The following TBXAS1 variants were observed in gnomAD, a reference collection of about 807,000 sequenced individuals.
The protein encoded by TBXAS1 is thromboxane A synthase 1, also known as thromboxane-A synthase.
In TBXAS1, 48 loss-of-function variants were observed where a neutral mutation model predicts 60.7. The ratio of observed to expected loss-of-function variants is 0.79; its 90% CI spans 0.63 to 1.01. TBXAS1 has a LOEUF of 1.01. Ranked by LOEUF, TBXAS1 falls within the 50% of genes least tolerant of loss-of-function variation. The pLI is 0.00. For synonymous variants in TBXAS1, 287 were observed against 269.7 expected (o/e 1.06, Z -0.63); for missense variants, 685 against 686.3 (o/e 1.00, Z 0.02).
At chr7:139,783,772 C>A (rs1313884813) in intron 3 of TBXAS1, among the ~76,000 whole-genome samples, 1 of 152,180 alleles carries the variant, frequency 6.6e-6, no homozygotes, top group Non-Finnish European at 1.5e-5. Flanking sequence ...AGAGCTTGCT[C>A]CTATCTGGCA....
intron 9 of TBXAS1, among the ~76,000 whole-genome samples, chr7:139,994,661 T>C (rs1004998292): frequency 2.5e-4 from 38 of 151,996 alleles, no homozygotes; most frequent in African/African-American, 8.9e-4. Flanking sequence ...ACAGTGGAGA[T>C]CTCTTTCTAC....
At chr7:139,984,940 G>A (rs200999835) in intron 9 of TBXAS1, among the ~76,000 whole-genome samples, 2 of 56,812 alleles carry the variant, frequency 3.5e-5, no homozygotes, top group Admixed American at 2.2e-4. Context: ...AAGAAAGAAA[G>A]AAAAGAAAAG....
chr7:139,980,039 G>A (rs902568156), intron 9 of TBXAS1, among the ~76,000 whole-genome samples: 13 of 151,410 alleles, frequency 8.6e-5, no homozygotes, highest in African/African-American at 3.2e-4. Flanking sequence ...GTCATTTATC[G>A]ATTTATTGCT....
chr7:139,877,045 A>C (rs866557096), intron 3 of TBXAS1, among the ~76,000 whole-genome samples: 9 of 152,088 alleles, frequency 5.9e-5, no homozygotes, highest in African/African-American at 2.2e-4. Flanking sequence ...TTTCTGCTGA[A>C]TCATTTCAGC....
intron 3 of TBXAS1, among the ~76,000 whole-genome samples, chr7:139,908,273 A>G (rs1325381273): frequency 6.6e-6 from 1 of 151,966 alleles, no homozygotes; most frequent in African/African-American, 2.4e-5. Context: ...CCTCTTTTCT[A>G]AAGTAGCATT....
At chr7:139,794,779 C>G in intron 4 of TBXAS1, among the ~76,000 whole-genome samples, 1 of 149,800 alleles carries the variant, frequency 6.7e-6, no homozygotes, top group African/African-American at 2.5e-5. Flanking sequence ...GTTTTTTGTT[C>G]TTGTGATAGT....
At chr7:139,938,919 C>G (rs1349196461) in intron 5 of TBXAS1, among the ~76,000 whole-genome samples, 2 of 152,224 alleles carry the variant, frequency 1.3e-5, no homozygotes, top group African/African-American at 4.8e-5. Flanking sequence ...TAACCCCTTA[C>G]AGGGGATACT....
chr7:139,827,293 G>A (rs1323698064), upstream of TBXAS1, among the ~76,000 whole-genome samples: 1 of 152,174 alleles, frequency 6.6e-6, no homozygotes, highest in African/African-American at 2.4e-5. Context: ...GCTGGCTTTT[G>A]GTGTCCATTT....
intron 4 of TBXAS1, among the ~76,000 whole-genome samples, chr7:139,790,513 TTGAG>T (rs1463645985): frequency 2.0e-5 from 3 of 152,170 alleles, no homozygotes; most frequent in African/African-American, 7.2e-5. Flanking sequence ...CCTATATCGT[TTGAG>T]TGATTAGTCA....
rs1484449476 is a variant in TBXAS1, at chr7:139,999,640, G to A, written c.1135-7451G>A. Among the ~76,000 whole-genome samples the A allele has an allele frequency of 6.6e-6, 1 of 152,192 alleles. No individual in the cohort carries two copies. Among genetic ancestry groups the A allele is most frequent in the Admixed American group, 6.5e-5 (1 of 15,286 alleles). On this transcript the variant is annotated intron_variant, in intron 9 of 12. Transcript: ENST00000448866. The surrounding 1 kb of genome is among the most constrained non-coding windows in gnomAD (Gnocchi z 4.3). Reference sequence around the variant, plus strand: ...TCATATTATAGTCCCACGGTCCCTGGAGAATCAGAGTGAATGGAAATCTTT... The same window carrying A: ...TCATATTATAGTCCCACGGTCCCTGAAGAATCAGAGTGAATGGAAATCTTT...
intron 9 of TBXAS1, among the ~76,000 whole-genome samples, chr7:140,006,350 G>C (rs1328165208): frequency 6.6e-6 from 1 of 152,132 alleles, no homozygotes; most frequent in Non-Finnish European, 1.5e-5. Context: ...GGGAGTGACA[G>C]ACTGTCACTC....
rs555016602 is a variant in TBXAS1, at chr7:139,975,758, A to C, written c.1134+13525A>C. Among the ~76,000 whole-genome samples the C allele has an allele frequency of 6.6e-6, 1 of 152,202 alleles. No individual in the cohort carries two copies. Among genetic ancestry groups the C allele is most frequent in the Non-Finnish European group, 1.5e-5 (1 of 68,008 alleles). On this transcript the variant is annotated intron_variant, in intron 9 of 12. Transcript: ENST00000448866. The surrounding 1 kb of genome is among the most constrained non-coding windows in gnomAD (Gnocchi z 4.4). ...GTTGGAGCTTTTTCTCCCTCTTGCC[A>C]TGTCCTTTTCACGGTCCATCCTCTG...
Position 139,887,877 on chromosome 7 carries a change from A to G in TBXAS1, c.236+12240A>G, listed in dbSNP as rs150313652. On this transcript the variant is annotated intron_variant, in intron 3 of 12. Coordinates refer to ENST00000448866, the MANE Select transcript of TBXAS1 (RefSeq NM_001061.7). ...TTTTCCATAGTGACCATACCATTTCACCTTTGGAGGACATCTTATAGCAAT... is the reference window on the plus strand; with the variant it reads ...TTTTCCATAGTGACCATACCATTTCGCCTTTGGAGGACATCTTATAGCAAT... 7.6e-3 allele frequency among the ~76,000 whole-genome samples: 1,151 copies of G among 152,232 alleles called. 16 individuals are homozygous for G. The highest frequency in any genetic ancestry group is 0.027 in the African/African-American group (1,102 of 41,518).
chr7:139,853,298 C>T (rs1256244689), intron 1 of TBXAS1, among the ~76,000 whole-genome samples: 5 of 152,148 alleles, frequency 3.3e-5, no homozygotes, highest in Non-Finnish European at 5.9e-5. Flanking sequence ...CCCCGTCTTA[C>T]AGATAGGTTG....
chr7:140,014,327 T>TG, intron 10 of TBXAS1, among the ~76,000 whole-genome samples: 1 of 152,288 alleles, frequency 6.6e-6, no homozygotes, highest in Admixed American at 6.5e-5. Context: ...GACCTGCTGC[T>TG]GCTCAGGCCG....
At chr7:139,991,925 A>G (rs1812937869) in intron 9 of TBXAS1, among the ~76,000 whole-genome samples, 1 of 152,192 alleles carries the variant, frequency 6.6e-6, no homozygotes, top group African/African-American at 2.4e-5. Context: ...CCAGAGCTCG[A>G]GGGGAGACCC....
rs190476962 is a variant in TBXAS1 at position 139,972,994 on chromosome 7, C to T, written c.1134+10761C>T. Among the ~76,000 whole-genome samples the T allele has an allele frequency of 1.3e-4, 20 of 152,044 alleles. No individual in the cohort carries two copies. In the East Asian group the frequency reaches 1.4e-3, roughly 10 times the overall value. ...AAAGCCTGTGAGTTACTGCGCCCAG[C>T]GAGAAAGGGGTCGGTGGAGTCAAAG... On this transcript the variant is annotated intron_variant, in intron 9 of 12. Transcript: ENST00000448866.
At chr7:139,803,939 G>A (rs146818396) in intron 4 of TBXAS1, among the ~76,000 whole-genome samples, 1 of 152,218 alleles carries the variant, frequency 6.6e-6, no homozygotes, top group African/African-American at 2.4e-5. Context: ...ACCTCTGCTA[G>A]GGCAGTGCAG....
intron 9 of TBXAS1, 97 bp downstream of exon 9, chr7:139,962,330 A>G (rs1277332796): frequency 7.1e-7 from 1 of 1,406,446 alleles, no homozygotes; most frequent in Admixed American, 1.9e-5. Context: ...ACTTGCTAAT[A>G]TCACATTCTA....
Sources: allele counts gnomAD v4.1 joint callset (sites outside exome capture counted in the v4.1 genomes callset), GRCh38; gene constraint gnomAD v4.1.1; non-coding constraint Gnocchi (gnomAD v3.1); transcripts MANE v1.5; gene names NCBI Gene and HGNC (gene_info 2026-07-23, HGNC 2026-07-21).